The following GLI2 variants were observed in gnomAD, a reference collection of about 807,000 sequenced individuals.
GLI2 encodes the protein transcription activator GLI2.
A neutral mutation model predicts 78.9 loss-of-function variants in GLI2; 22 were observed. The observed-to-expected ratio is 0.28, with a 90% CI of 0.20 to 0.40. The LOEUF is 0.40. Ranked by LOEUF, GLI2 falls within the 10% of genes least tolerant of loss-of-function variation. GLI2 has a pLI of 1.00. For missense variants in GLI2, 2,097 were observed against 2,213.2 expected (o/e 0.95, Z 1.05); for synonymous variants, 974 against 963.7 (o/e 1.01, Z -0.20).
intron 2 of GLI2, among the ~76,000 whole-genome samples, chr2:120,856,427 G>A (rs1458275375): frequency 1.3e-5 from 2 of 152,124 alleles, no homozygotes; most frequent in Non-Finnish European, 2.9e-5. Context: ...GGTTTGGGCC[G>A]ACTGTGCCCG....
chr2:120,877,911 G>T (rs1352310203), intron 2 of GLI2, among the ~76,000 whole-genome samples: 1 of 152,138 alleles, frequency 6.6e-6, no homozygotes, highest in African/African-American at 2.4e-5. Context: ...GTTATAGGGG[G>T]CACATGTGGT....
At chr2:120,954,222 C>T (rs532894949) in intron 4 of GLI2, among the ~76,000 whole-genome samples, 38 of 152,260 alleles carry the variant, frequency 2.5e-4, no homozygotes, top group South Asian at 6.2e-4. Flanking sequence ...ATCAGCGATC[C>T]GAGGCAGTGT....
At chr2:120,760,230 A>G (rs1207472006) in intron 1 of GLI2, among the ~76,000 whole-genome samples, 3 of 151,826 alleles carry the variant, frequency 2.0e-5, no homozygotes, top group African/African-American at 7.3e-5. Context: ...TCTGGGGCCC[A>G]TCCCAACTGT....
intron 2 of GLI2, among the ~76,000 whole-genome samples, chr2:120,912,629 G>T (rs1678880683): frequency 6.6e-6 from 1 of 152,178 alleles, no homozygotes; most frequent in Admixed American, 6.5e-5. Flanking sequence ...ACACGGGCAG[G>T]GAGCCAGGCG....
intron 5 of GLI2, among the ~76,000 whole-genome samples, chr2:120,965,105 A>C (rs1245014532): frequency 6.6e-6 from 1 of 152,268 alleles, no homozygotes; most frequent in African/African-American, 2.4e-5. Flanking sequence ...ATTTATCCAG[A>C]TACTGCATCA....
At chr2:120,793,813 G>A (rs553253314) in intron 1 of GLI2, among the ~76,000 whole-genome samples, 10 of 152,310 alleles carry the variant, frequency 6.6e-5, no homozygotes, top group East Asian at 3.9e-4. Flanking sequence ...TTTCTGGAGC[G>A]ACCACGCCCT....
At chr2:120,923,456 TACA>T (rs1235330689) in intron 2 of GLI2, among the ~76,000 whole-genome samples, 16 of 151,622 alleles carry the variant, frequency 1.1e-4, no homozygotes, top group South Asian at 4.2e-4. Context: ...AACATGCACA[TACA>T]ACAACACACA....
chr2:120,946,365 G>A (rs778402503), intron 3 of GLI2, among the ~76,000 whole-genome samples: 2 of 152,188 alleles, frequency 1.3e-5, no homozygotes, highest in Non-Finnish European at 2.9e-5. Flanking sequence ...TGAGCTGAGC[G>A]GCCTGCAGAA....
intron 2 of GLI2, among the ~76,000 whole-genome samples, chr2:120,810,047 C>T (rs1239843155): frequency 6.6e-6 from 1 of 152,244 alleles, no homozygotes; most frequent in Non-Finnish European, 1.5e-5. Context: ...GGATGAGCCC[C>T]AGGGGCGGGG....
intron 2 of GLI2, among the ~76,000 whole-genome samples, chr2:120,813,264 G>C (rs1186419131): frequency 6.6e-6 from 1 of 152,250 alleles, no homozygotes; most frequent in East Asian, 1.9e-4. Context: ...ATGTTTCCCT[G>C]TGCTGTGGTT....
chr2:120,988,031 C>T (rs567292263), intron 13 of GLI2, among the ~76,000 whole-genome samples, 177 bp from the exon 14 acceptor site: 3 of 152,220 alleles, frequency 2.0e-5, no homozygotes, highest in Non-Finnish European at 4.4e-5. Flanking sequence ...AGTTCAAGGC[C>T]AGCCTGGGAA....
At chr2:120,795,672 C>T (rs2104692997) in intron 1 of GLI2, among the ~76,000 whole-genome samples, 2 of 152,340 alleles carry the variant, frequency 1.3e-5, no homozygotes, top group African/African-American at 4.8e-5. Flanking sequence ...GCAGGACCTT[C>T]ACACAGCTGC....
At chr2:120,803,176 T>C (rs912710920) in intron 2 of GLI2, among the ~76,000 whole-genome samples, 2 of 152,244 alleles carry the variant, frequency 1.3e-5, no homozygotes, top group Non-Finnish European at 2.9e-5. Flanking sequence ...CCTCTCTTAG[T>C]GCAGGCAGTG....
rs1014320087 is a variant in GLI2, at chr2:120,828,931, C to T, written c.148+31463C>T. Among the ~76,000 whole-genome samples the T allele has an allele frequency of 2.6e-4, 39 of 151,068 alleles. 1 individual carries two copies. Among genetic ancestry groups the T allele is most frequent in the Admixed American group, 7.9e-4 (12 of 15,186 alleles). On this transcript the variant is annotated intron_variant, in intron 2 of 13. Coordinates refer to ENST00000361492, the MANE Select transcript of GLI2 (RefSeq NM_001374353.1). ...TTTCTCTGAAAGGTCCTCCTTGCCC[C>T]ACCACGCTGAAGCTAGGCCCAGGGC...
At chr2:120,884,163 G>C (rs1677287637) in intron 2 of GLI2, among the ~76,000 whole-genome samples, 1 of 152,210 alleles carries the variant, frequency 6.6e-6, no homozygotes, top group African/African-American at 2.4e-5. Flanking sequence ...CCATGAAGGG[G>C]AGAGAGCGCC....
At chr2:120,783,497 G>T (rs942733891) in intron 1 of GLI2, among the ~76,000 whole-genome samples, 1 of 151,900 alleles carries the variant, frequency 6.6e-6, no homozygotes, top group Non-Finnish European at 1.5e-5. Flanking sequence ...AAAAGGCCAC[G>T]GGAACAAAAG....
intron 2 of GLI2, among the ~76,000 whole-genome samples, chr2:120,812,133 C>G (rs1395471716): frequency 1.3e-5 from 2 of 152,210 alleles, no homozygotes; most frequent in Admixed American, 1.3e-4. Context: ...GCCACTGTCT[C>G]TCTCAAATGT....
At chr2:120,897,327 G>T (rs764794467) in intron 2 of GLI2, among the ~76,000 whole-genome samples, 2 of 152,222 alleles carry the variant, frequency 1.3e-5, no homozygotes, top group African/African-American at 2.4e-5. Flanking sequence ...GAGATTCAGA[G>T]AATCGTCTCT....
chr2:120,782,242 A>G (rs1161443554), intron 1 of GLI2, among the ~76,000 whole-genome samples: 1 of 152,140 alleles, frequency 6.6e-6, no homozygotes, highest in Non-Finnish European at 1.5e-5. Flanking sequence ...CTTACCTGTG[A>G]CAGTGTCATT....
Sources: gnomAD v4.1 joint callset for allele counts (sites outside exome capture counted in the v4.1 genomes callset) on GRCh38, gnomAD v4.1.1 for gene constraint, MANE v1.5 for transcripts, NCBI Gene and HGNC (gene_info 2026-07-23, HGNC 2026-07-21) for gene names.